ST8SIA4: variants seen among roughly 807,000 people sequenced by gnomAD.
ST8SIA4 encodes CMP-N-acetylneuraminate-poly-alpha-2,8-sialyltransferase.
ST8SIA4 carries 15 observed loss-of-function variants against 33.9 expected under a neutral mutation model. That is an observed-to-expected ratio of 0.44 (90% CI 0.30 to 0.68). The LOEUF (loss-of-function observed/expected upper bound fraction) is 0.68, where lower values mean the gene tolerates loss of function less well. ST8SIA4 is among the 30% of genes least tolerant of loss of function. ST8SIA4 has a pLI of 0.10. For missense variants in ST8SIA4, 321 were observed against 428.0 expected (o/e 0.75, Z 2.21); for synonymous variants, 171 against 151.2 (o/e 1.13, Z -0.96).
chr5:100,839,070 C>T (rs984854386), intron 4 of ST8SIA4, among the ~76,000 whole-genome samples: 1 of 151,884 alleles, frequency 6.6e-6, no homozygotes, highest in Non-Finnish European at 1.5e-5. Context: ...TCAAGCAATC[C>T]TCCTACCTTG....
At chr5:100,832,394 G>A (rs923374848) in intron 4 of ST8SIA4, among the ~76,000 whole-genome samples, 1 of 152,014 alleles carries the variant, frequency 6.6e-6, no homozygotes, top group Non-Finnish European at 1.5e-5. Flanking sequence ...TGTTATTGAA[G>A]ATATTTCAGT....
At chr5:100,881,273 T>C (rs981516682) in intron 3 of ST8SIA4, among the ~76,000 whole-genome samples, 11 of 152,238 alleles carry the variant, frequency 7.2e-5, no homozygotes, top group African/African-American at 2.7e-4. Context: ...TATTACAAAG[T>C]ATAGAGATAA....
chr5:100,831,073 T>G (rs1214881906), intron 4 of ST8SIA4, among the ~76,000 whole-genome samples: 2 of 152,238 alleles, frequency 1.3e-5, no homozygotes, highest in Non-Finnish European at 2.9e-5. Flanking sequence ...ATAGTATTAA[T>G]TGAAATTGAA....
intron 2 of ST8SIA4, among the ~76,000 whole-genome samples, chr5:100,893,466 C>T (rs1009717545): frequency 1.4e-4 from 22 of 152,108 alleles, no homozygotes; most frequent in Non-Finnish European, 2.6e-4. Flanking sequence ...ATAGTACTAA[C>T]ATTTCATTCA....
rs1482250806 is a variant in ST8SIA4, at chr5:100,808,963, T to A, written c.*2884A>T. ...TCTCAATCGACACTGAAGCCCTTTTTTTCATGCTGAACATTTTTGGAAGTG... is the reference window on the plus strand; with the variant it reads ...TCTCAATCGACACTGAAGCCCTTTTATTCATGCTGAACATTTTTGGAAGTG... On this transcript the variant is annotated 3_prime_UTR_variant, in exon 5 of 5. Coordinates refer to ENST00000231461, the MANE Select transcript of ST8SIA4 (RefSeq NM_005668.6). 6.6e-6 allele frequency: 1 copy of A among 152,622 alleles called. No individual in the cohort carries two copies. The highest frequency in any genetic ancestry group is 2.4e-5 in the African/African-American group (1 of 41,444). 9.5% of individuals were successfully genotyped at this position (152,622 alleles called of 1,614,324 possible). A position where few individuals can be genotyped will look rare whatever the true frequency, so the allele number is the denominator to read the frequency against.
At chr5:100,894,549 T>G (rs1457209995) in intron 2 of ST8SIA4, among the ~76,000 whole-genome samples, 1 of 152,086 alleles carries the variant, frequency 6.6e-6, no homozygotes, top group Non-Finnish European at 1.5e-5. Flanking sequence ...ACCAAAGTAG[T>G]AATACTATTC....
intron 4 of ST8SIA4, among the ~76,000 whole-genome samples, chr5:100,823,044 T>A (rs1340598400): frequency 2.0e-5 from 3 of 151,802 alleles, no homozygotes; most frequent in African/African-American, 7.3e-5. Flanking sequence ...GGGGGGAGAA[T>A]GGTGTGAACC....
chr5:100,858,724 C>G (rs1369289809), intron 3 of ST8SIA4, among the ~76,000 whole-genome samples: 1 of 151,916 alleles, frequency 6.6e-6, no homozygotes, highest in East Asian at 1.9e-4. Flanking sequence ...GGAAACAAAC[C>G]AACATATTTG....
At chr5:100,849,679 T>C (rs1751648097) in intron 4 of ST8SIA4, among the ~76,000 whole-genome samples, 1 of 151,178 alleles carries the variant, frequency 6.6e-6, no homozygotes, top group African/African-American at 2.4e-5. Flanking sequence ...TAGTCGCAGC[T>C]ACTGGGGAGG....
At chr5:100,886,975 G>C (rs1752551749) in intron 2 of ST8SIA4, among the ~76,000 whole-genome samples, 1 of 152,010 alleles carries the variant, frequency 6.6e-6, no homozygotes, top group South Asian at 2.1e-4. Context: ...AGCGTATTTT[G>C]ATAGTCATAA....
chr5:100,885,345 T>C, intron 3 of ST8SIA4: 1 of 961,882 alleles, frequency 1.0e-6, no homozygotes, highest in South Asian at 4.8e-5. Context: ...TTTGCTATTA[T>C]GAATTTTCTT....
chr5:100,851,563 A>G (rs1751698909), intron 4 of ST8SIA4, among the ~76,000 whole-genome samples: 1 of 152,132 alleles, frequency 6.6e-6, no homozygotes, highest in South Asian at 2.1e-4. Flanking sequence ...TTTAAAAAAT[A>G]AAGTGCAAAA....
intron 1 of ST8SIA4, among the ~76,000 whole-genome samples, chr5:100,896,013 T>TA (rs529942631): frequency 7.6e-4 from 116 of 151,976 alleles, no homozygotes; most frequent in Middle Eastern, 6.8e-3. Flanking sequence ...AATTTCTGAA[T>TA]AAAAAAAGAT....
At chr5:100,841,254 G>T (rs1751464009) in intron 4 of ST8SIA4, among the ~76,000 whole-genome samples, 1 of 151,764 alleles carries the variant, frequency 6.6e-6, no homozygotes, top group African/African-American at 2.4e-5. Context: ...TTTGTAAACT[G>T]GGACTTTTGT....
At chr5:100,825,911 A>T (rs1258131494) in intron 4 of ST8SIA4, among the ~76,000 whole-genome samples, 2 of 152,132 alleles carry the variant, frequency 1.3e-5, no homozygotes, top group Non-Finnish European at 2.9e-5. Flanking sequence ...ACTTGCCTAT[A>T]TTAGGGTCAA....
At chr5:100,845,217 C>T (rs1274184237) in intron 4 of ST8SIA4, among the ~76,000 whole-genome samples, 1 of 151,896 alleles carries the variant, frequency 6.6e-6, no homozygotes, top group African/African-American at 2.4e-5. Context: ...AGCTAAAGTA[C>T]ACTTGTATCA....
intron 4 of ST8SIA4, among the ~76,000 whole-genome samples, chr5:100,830,765 T>A (rs889247287): frequency 4.6e-5 from 7 of 152,214 alleles, no homozygotes; most frequent in Non-Finnish European, 7.4e-5. Context: ...TTTGTCTATG[T>A]GTGTGCATAA....
chr5:100,840,693 T>C (rs1194442924), intron 4 of ST8SIA4, among the ~76,000 whole-genome samples: 2 of 151,760 alleles, frequency 1.3e-5, no homozygotes, highest in South Asian at 2.1e-4. Context: ...CCCATAACAT[T>C]TTTGGAGCTT....
intron 4 of ST8SIA4, among the ~76,000 whole-genome samples, chr5:100,842,077 T>C (rs1348863409): frequency 6.6e-6 from 1 of 151,882 alleles, no homozygotes; most frequent in Non-Finnish European, 1.5e-5. Flanking sequence ...AATGTGGAAT[T>C]ATGTGATTTC....
Sources: gnomAD v4.1 joint callset for allele counts (sites outside exome capture counted in the v4.1 genomes callset) on GRCh38, gnomAD v4.1.1 for gene constraint, MANE v1.5 for transcripts, NCBI Gene and HGNC (gene_info 2026-07-23, HGNC 2026-07-21) for gene names.